Variants in CLCA2 observed in about 807,000 individuals in gnomAD.
CLCA2 encodes calcium-activated chloride channel regulator 2.
A neutral mutation model predicts 82.9 loss-of-function variants in CLCA2; 85 were observed. That is an observed-to-expected ratio of 1.03 (90% CI 0.86 to 1.23). CLCA2 has a LOEUF of 1.23. Ranked by LOEUF, CLCA2 falls within the 50% of genes most tolerant of loss-of-function variation. CLCA2 has a pLI of 0.00. For synonymous variants in CLCA2, 421 were observed against 391.7 expected, an observed-to-expected ratio of 1.07 and a Z score of -0.88; for missense variants, 1,089 against 1,124.8, an observed-to-expected ratio of 0.97 and a Z score of 0.45.
intron 11 of CLCA2, among the ~76,000 whole-genome samples, chr1:86,449,671 C>T (rs78258879): frequency 9.0e-4 from 137 of 152,300 alleles, no homozygotes; most frequent in African/African-American, 3.2e-3. Context: ...GACACTTTAG[C>T]AATGATACAC....
At chr1:86,435,085 A>G (rs920000255) in intron 6 of CLCA2, among the ~76,000 whole-genome samples, 1 of 152,170 alleles carries the variant, frequency 6.6e-6, no homozygotes, top group Non-Finnish European at 1.5e-5. Flanking sequence ...GCAGGACACC[A>G]TGCCTTTTCT....
Position 86,424,194 on chromosome 1 carries a change from GAC to G in CLCA2, c.-50_-49del. 6.6e-7 allele frequency: 1 copy of G among 1,515,116 alleles called. No homozygotes were observed. 93.9% of individuals were successfully genotyped at this position (1,515,116 alleles called of 1,614,324 possible). ...CCATCTGCATCCATATTGAAAACCT[GAC>G]ACAATGTATGCAGCAGGCTCAGTGT... On this transcript the variant is annotated 5_prime_UTR_variant, in exon 1 of 14. Transcript: ENST00000370565.
At chr1:86,438,020 A>T (rs1662649494) in intron 6 of CLCA2, among the ~76,000 whole-genome samples, 1 of 152,210 alleles carries the variant, frequency 6.6e-6, no homozygotes, top group Admixed American at 6.5e-5. Flanking sequence ...CAGTATTAGA[A>T]TTCAAAGTGT....
At chr1:86,442,134 A>G (rs1033296121) in intron 9 of CLCA2, among the ~76,000 whole-genome samples, 1 of 152,180 alleles carries the variant, frequency 6.6e-6, no homozygotes, top group African/African-American at 2.4e-5. Context: ...AATTTCATCT[A>G]TAGTTTCCTC....
At chr1:86,437,069 T>C (rs536417842) in intron 6 of CLCA2, among the ~76,000 whole-genome samples, 1 of 152,334 alleles carries the variant, frequency 6.6e-6, no homozygotes, top group African/African-American at 2.4e-5. Flanking sequence ...TCTGCCTGTA[T>C]TGAGCAAGAA....
chr1:86,453,422 C>T lies in CLCA2; in HGVS notation c.2209C>T (p.Arg737Ter), dbSNP rs752431019. The T allele has an allele frequency of 1.2e-5, 19 of 1,613,808 alleles. No homozygotes were observed. The highest frequency in any genetic ancestry group is 1.7e-5 in the Admixed American group (1 of 59,976). The change falls in exon 13 of 14, where the codon CGA (arginine) becomes TGA (stop). Residue 737 changes from arginine (R) to a stop codon, truncating the protein, a stop_gained. Transcript: ENST00000370565. LOFTEE classifies it high-confidence loss of function. ...ATCAGTAGGCAGAAATGAGGAGGAG[C>T]GAAAGTGGGGCTTTAGCCGAGTCAG... ...RKSVGRNEEERKWGFSRVSSG... is the reference protein window; with the variant it reads ...RKSVGRNEEE
At chr1:86,450,081 A>G (rs1156615558) in intron 11 of CLCA2, among the ~76,000 whole-genome samples, 4 of 152,048 alleles carry the variant, frequency 2.6e-5, no homozygotes, top group Non-Finnish European at 5.9e-5. Flanking sequence ...AAACTAACCA[A>G]AGTTTTTATT....
In CLCA2 at chr1:86,441,557, C is replaced by G. The variant is rs371299688; in HGVS notation, c.1488+14C>G. The G allele has an allele frequency of 1.4e-5, 22 of 1,549,888 alleles. No individual in the cohort carries two copies. In the African/African-American group the frequency reaches 2.7e-4, roughly 19 times the overall value. ...CAACATATTCAGGTCAGAATTTTCT[C>G]AATGTTATATTTCCAGGTGGGGAGT... On this transcript the variant is annotated intron_variant, in intron 9 of 13. Coordinates refer to ENST00000370565, the MANE Select transcript of CLCA2 (RefSeq NM_006536.7).
intron 1 of CLCA2, among the ~76,000 whole-genome samples, 165 bp downstream of exon 1, chr1:86,424,598 G>A (rs1662352162): frequency 6.6e-6 from 1 of 152,138 alleles, no homozygotes; most frequent in South Asian, 2.1e-4. Flanking sequence ...AAGCCAGTTT[G>A]TTCATCTAAT....
rs1663011427 is a variant in CLCA2, at chr1:86,453,354, T to TC, written c.2156-14dup. ...TAATTTGTCATTTTGCCTTTTTTTT[T>TC]CTTTTTTGTCTCAGGTAATATTCAG... On this transcript the variant is annotated splice_polypyrimidine_tract_variant and intron_variant, in intron 12 of 13. Coordinates refer to ENST00000370565, the MANE Select transcript of CLCA2 (RefSeq NM_006536.7). 2 of 1,598,684 alleles carry TC rather than the reference T, an allele frequency of 1.3e-6. No homozygotes were observed. Among genetic ancestry groups the TC allele is most frequent in the East Asian group, 4.5e-5 (2 of 44,796 alleles).
intron 6 of CLCA2, among the ~76,000 whole-genome samples, chr1:86,437,583 A>G (rs1195298992): frequency 6.6e-6 from 1 of 152,242 alleles, no homozygotes; most frequent in Non-Finnish European, 1.5e-5. Context: ...AGGCAAAAAA[A>G]GAAGGATTTG....
chr1:86,437,003 C>A (rs1317355774), intron 6 of CLCA2, among the ~76,000 whole-genome samples: 1 of 152,206 alleles, frequency 6.6e-6, no homozygotes, highest in Admixed American at 6.5e-5. Flanking sequence ...CATGAGCCAA[C>A]ATTCCCAGTG....
rs778048324 is a variant in CLCA2 at position 86,453,460 on chromosome 1, C to T, written c.2247C>T (p.Ser749=). The change falls in exon 13 of 14, where the codon TCC becomes TCT. Residue 749 remains serine, a synonymous_variant. Coordinates refer to ENST00000370565, the MANE Select transcript of CLCA2 (RefSeq NM_006536.7). ...WGFSRVSSGG[S]FSVLGVPAGP... is the part of the protein sequence containing the mutation. Reference sequence around the variant, plus strand: ...TTAGCCGAGTCAGCTCAGGAGGCTCCTTTTCAGTGCTGGGAGTTCCAGCTG... The same window carrying T: ...TTAGCCGAGTCAGCTCAGGAGGCTCTTTTTCAGTGCTGGGAGTTCCAGCTG... The T allele has an allele frequency of 5.0e-6, 8 of 1,614,022 alleles. No homozygotes were observed. The highest frequency in any genetic ancestry group is 2.7e-5 in the African/African-American group (2 of 74,916).
In CLCA2 at chr1:86,424,362, G is replaced by A. The variant is rs1558097915; in HGVS notation, c.115G>A (p.Gly39Arg). The change falls in exon 1 of 14, where the codon GGG (glycine) becomes AGG (arginine). Residue 39 changes from glycine to arginine, a missense_variant. Coordinates refer to ENST00000370565, the MANE Select transcript of CLCA2 (RefSeq NM_006536.7). The stretch of plus-strand genomic sequence containing the variant: ...AGCTGGAGTACAGCTTCAAGACAAT[G>A]GGTATAATGGATTGCTCATTGCAAT... The part of the protein sequence containing the change: ...LGAGVQLQDN[G>R]YNGLLIAINP... The A allele has an allele frequency of 6.2e-7, 1 of 1,613,870 alleles. No individual in the cohort carries two copies. Among genetic ancestry groups the A allele is most frequent in the Non-Finnish European group, 8.5e-7 (1 of 1,179,878 alleles).
intron 13 of CLCA2, 113 bp downstream of exon 13, chr1:86,453,715 G>A: frequency 2.2e-6 from 2 of 923,348 alleles, no homozygotes; most frequent in Non-Finnish European, 3.2e-6. Context: ...AAAGCTCTGA[G>A]TTGCTGATCA....
intron 6 of CLCA2, among the ~76,000 whole-genome samples, chr1:86,437,147 G>A (rs1029696504): frequency 2.6e-5 from 4 of 152,174 alleles, no homozygotes; most frequent in Non-Finnish European, 5.9e-5. Flanking sequence ...AGAGAAATAA[G>A]CCCAAAGTAA....
At chr1:86,426,575 T>C (rs1198390439) in intron 2 of CLCA2, among the ~76,000 whole-genome samples, 2 of 151,870 alleles carry the variant, frequency 1.3e-5, no homozygotes, top group African/African-American at 2.4e-5. Context: ...CTGGGAAGAG[T>C]TAGTGTTTAA....
intron 11 of CLCA2, among the ~76,000 whole-genome samples, chr1:86,450,203 T>C (rs1015895288): frequency 4.6e-5 from 7 of 152,322 alleles, no homozygotes; most frequent in Admixed American, 3.9e-4. Context: ...ATAGCTTTTA[T>C]TCATATCTCA....
rs1662945630 is a variant in CLCA2 at position 86,450,683 on chromosome 1, A to G, written c.2105A>G (p.His702Arg). The G allele has an allele frequency of 1.2e-6, 2 of 1,612,842 alleles. No individual in the cohort carries two copies. Among genetic ancestry groups the G allele is most frequent in the Non-Finnish European group, 1.7e-6 (2 of 1,179,320 alleles). Residue 702 changes from histidine (H) to arginine (R), a missense_variant, in exon 12 of 14, where the codon CAC becomes CGC. Coordinates refer to ENST00000370565, the MANE Select transcript of CLCA2 (RefSeq NM_006536.7). ...NHSPSISTPA[H>R]SIPGSHAMYV... The stretch of plus-strand genomic sequence containing the variant: ...TCTCCCAGCATAAGCACCCCAGCCC[A>G]CTCTATTCCAGGGAGTCATGCTATG...
Sources: gnomAD v4.1 joint callset for allele counts (sites outside exome capture counted in the v4.1 genomes callset) on GRCh38, gnomAD v4.1.1 for gene constraint, MANE v1.5 for transcripts, NCBI Gene and HGNC (gene_info 2026-07-23, HGNC 2026-07-21) for gene names.